The following FAT1 variants were observed in gnomAD, a reference collection of about 807,000 sequenced individuals.
The protein encoded by FAT1 is FAT atypical cadherin 1, also known as protocadherin Fat 1.
In FAT1, 171 loss-of-function variants were observed where a neutral mutation model predicts 329.8. The observed-to-expected ratio is 0.52, with a 90% CI of 0.46 to 0.59. The LOEUF is 0.59. Among genes scored for constraint, FAT1 ranks in the 20% least tolerant of loss-of-function variants. The pLI is 0.00. For synonymous variants in FAT1, 2,233 were observed against 2,228.6 expected (o/e 1.00, Z -0.06); for missense variants, 5,672 against 5,774.4 (o/e 0.98, Z 0.57).
Position 186,636,958 on chromosome 4 carries a change from T to C in FAT1, c.3643-44A>G, listed in dbSNP as rs780521340. On this transcript the variant is annotated intron_variant, in intron 4 of 26. Coordinates refer to ENST00000441802, the MANE Select transcript of FAT1 (RefSeq NM_005245.4). ...CAGATTAACATGTTAAGATATACTA[T>C]ATAAAAAGTGAGCATCTTCTTCCTC... 29 of 1,507,276 alleles carry C rather than the reference T, an allele frequency of 1.9e-5. No homozygotes were observed. In the Admixed American group the frequency reaches 2.3e-4, roughly 12 times the overall value. The allele number at this position is 1,507,276 out of a possible 1,614,324, so 93.4% of individuals were successfully genotyped here.
At chr4:186,621,797 C>A (rs1201824566) in intron 9 of FAT1, 22 bp from the exon 10 acceptor site, 1 of 1,470,880 alleles carries the variant, frequency 6.8e-7, no homozygotes, top group Non-Finnish European at 9.1e-7. Flanking sequence ...GGAAAAAATA[C>A]ATGTTACAGA....
At chr4:186,680,516 C>A (rs1743162777) in intron 2 of FAT1, among the ~76,000 whole-genome samples, 1 of 152,158 alleles carries the variant, frequency 6.6e-6, no homozygotes, top group East Asian at 1.9e-4. Context: ...AAAACACTCC[C>A]AAATACCTTT....
rs1738088173 is a variant in FAT1, at chr4:186,588,839, C to G, written c.13520G>C (p.Gly4507Ala). ...GGGTTCTCTACAAGTACTATTCTCA[C>G]CAGTGCCTTTTGTTTGAGGTTCAGA... is the stretch of plus-strand genomic sequence containing the variant. ...DMSEPQTKGT[G>A]ENSTCREPHA... Residue 4507 changes from glycine to alanine, a missense_variant, in exon 27 of 27, where the codon GGT becomes GCT. Around this residue, in one of 2 missense-constraint regions of FAT1, gnomAD observed 1,706 missense variants for 1,859.1 expected, o/e 0.92. Transcript: ENST00000441802. The G allele has an allele frequency of 1.2e-6, 2 of 1,614,010 alleles. No homozygotes were observed. Among genetic ancestry groups the G allele is most frequent in the Non-Finnish European group, 1.7e-6 (2 of 1,179,890 alleles).
chr4:186,706,069 T>C (rs1324058709), intron 2 of FAT1, among the ~76,000 whole-genome samples: 1 of 152,154 alleles, frequency 6.6e-6, no homozygotes, highest in Non-Finnish European at 1.5e-5. Flanking sequence ...AGGTACTAAG[T>C]GAAGACCACA....
At chr4:186,721,045 T>C (rs1745448619) in intron 1 of FAT1, among the ~76,000 whole-genome samples, 1 of 152,218 alleles carries the variant, frequency 6.6e-6, no homozygotes, top group Non-Finnish European at 1.5e-5. Flanking sequence ...GCCAGATCAG[T>C]GTCTGTGTTG....
chr4:186,594,912 C>T (rs888300422), intron 26 of FAT1, among the ~76,000 whole-genome samples: 9 of 151,556 alleles, frequency 5.9e-5, no homozygotes, highest in South Asian at 2.1e-4. Flanking sequence ...AAACGTATTA[C>T]GTTTATACAA....
Position 186,620,562 on chromosome 4 carries a change from G to T in FAT1, c.6024C>A (p.Ile2008=). ...GGATGTGATAAAACAAAGGCTCATTGATTGGATTCCCAATAGCAGTAATGA... is the reference window on the plus strand; with the variant it reads ...GGATGTGATAAAACAAAGGCTCATTTATTGGATTCCCAATAGCAGTAATGA... ...LAVITAIGNP[I]NEPLFYHILN... The change falls in exon 10 of 27, where the codon ATC becomes ATA. Residue 2008 remains isoleucine, a synonymous_variant. Transcript: ENST00000441802. 1 of 1,614,000 alleles carries T rather than the reference G, an allele frequency of 6.2e-7. No individual in the cohort carries two copies. The highest frequency in any genetic ancestry group is 1.3e-5 in the African/African-American group (1 of 75,050).
chr4:186,718,320 A>C (rs1327189212), intron 1 of FAT1, among the ~76,000 whole-genome samples: 1 of 151,522 alleles, frequency 6.6e-6, no homozygotes, highest in African/African-American at 2.4e-5. Context: ...AGCTCCTCCC[A>C]CTCCTGACAC....
intron 2 of FAT1, among the ~76,000 whole-genome samples, chr4:186,704,630 T>C (rs894780826): frequency 2.6e-5 from 4 of 152,216 alleles, no homozygotes; most frequent in African/African-American, 9.7e-5. Context: ...TTCAAAAATT[T>C]TACAAAAACA....
chr4:186,628,284 C>T lies in FAT1; in HGVS notation c.4680G>A (p.Pro1560=), dbSNP rs370954148. 1.4e-5 allele frequency: 23 copies of T among 1,613,598 alleles called. No homozygotes were observed. The highest frequency in any genetic ancestry group is 2.2e-5 in the South Asian group (2 of 91,002). The part of the protein sequence containing the change: ...VNVSDTNDHA[P]WFTASSYKGR... ...CTTTGTAGGAGGAAGCGGTGAACCA[C>T]GGGGCGTGGTCATTCGTGTCGCTGA... The change falls in exon 9 of 27, where the codon CCG becomes CCA. Residue 1560 remains proline (P), a synonymous_variant. Coordinates refer to ENST00000441802, the MANE Select transcript of FAT1 (RefSeq NM_005245.4).
At chr4:186,594,599 T>C (rs566370856) in intron 26 of FAT1, among the ~76,000 whole-genome samples, 20 of 147,152 alleles carry the variant, frequency 1.4e-4, no homozygotes, top group Non-Finnish European at 2.7e-4. Flanking sequence ...CAGGTATATT[T>C]TGATACCATA....
At chr4:186,663,261 T>C (rs549965274) in intron 3 of FAT1, 38 bp downstream of exon 3, 3 of 1,467,522 alleles carry the variant, frequency 2.0e-6, no homozygotes, top group Non-Finnish European at 1.9e-6. Flanking sequence ...CAGAAAAGCA[T>C]AAGCATAAAC....
Position 186,619,893 on chromosome 4 carries a change from G to C in FAT1, c.6693C>G (p.Phe2231Leu), listed in dbSNP as rs1245994329. Residue 2231 changes from phenylalanine (F) to leucine (L), a missense_variant, in exon 10 of 27, where the codon TTC becomes TTG. Phe to Leu is a conservative substitution (Grantham distance 22, BLOSUM62 0). Coordinates refer to ENST00000441802, the MANE Select transcript of FAT1 (RefSeq NM_005245.4). ...CTATGACATTGATAACTCCAGTATT[G>C]AAGTTAATAGTGAACTGGCTGAAAG... Reference protein sequence around the residue: ...GDPFSQFTINFNTGVINVIAP... With the variant: ...GDPFSQFTINLNTGVINVIAP... 2 of 1,613,862 alleles carry C rather than the reference G, an allele frequency of 1.2e-6. No individual in the cohort carries two copies. The highest frequency in any genetic ancestry group is 2.7e-5 in the African/African-American group (2 of 74,920).
intron 21 of FAT1, 81 bp downstream of exon 21, chr4:186,601,188 G>T: frequency 7.9e-7 from 1 of 1,264,506 alleles, no homozygotes; most frequent in Non-Finnish European, 1.1e-6. Context: ...TATTATCTGT[G>T]CAAATTAACA....
At chr4:186,591,878 A>G (rs2126368066) in intron 26 of FAT1, among the ~76,000 whole-genome samples, 1 of 152,262 alleles carries the variant, frequency 6.6e-6, no homozygotes, top group African/African-American at 2.4e-5. Flanking sequence ...CCCGAACTCT[A>G]TGATGACGTC....
chr4:186,685,196 G>T (rs547284843), intron 2 of FAT1, among the ~76,000 whole-genome samples: 14 of 152,270 alleles, frequency 9.2e-5, no homozygotes, highest in African/African-American at 3.4e-4. Context: ...TTCCAGAAAG[G>T]CAAAGGCTCT....
chr4:186,679,722 C>T (rs1181182591), intron 2 of FAT1, among the ~76,000 whole-genome samples: 1 of 152,048 alleles, frequency 6.6e-6, no homozygotes, highest in Non-Finnish European at 1.5e-5. Flanking sequence ...GTTATCAAGT[C>T]TACAGTTTAG....
At chr4:186,595,538 A>C in intron 26 of FAT1, 151 bp downstream of exon 26, 1 of 791,822 alleles carries the variant, frequency 1.3e-6, no homozygotes, top group Non-Finnish European at 1.9e-6. Flanking sequence ...GCAGACATTC[A>C]TGCAAGTATG....
At chr4:186,628,453 C>G (rs759463934) in intron 8 of FAT1, 35 bp downstream of exon 8, 7 of 1,612,624 alleles carry the variant, frequency 4.3e-6, no homozygotes, top group African/African-American at 1.3e-5. Flanking sequence ...GGCCTCAGGA[C>G]CAAATGGTGG....
Sources: allele counts gnomAD v4.1 joint callset (sites outside exome capture counted in the v4.1 genomes callset), GRCh38; gene constraint gnomAD v4.1.1; regional missense constraint gnomAD v4.1.1; transcripts MANE v1.5; gene names NCBI Gene and HGNC (gene_info 2026-07-23, HGNC 2026-07-21).